Variants in MYLK3 observed in about 807,000 individuals in gnomAD.
MYLK3 encodes myosin light chain kinase 3.
In MYLK3, 55 loss-of-function variants were observed where a neutral mutation model predicts 76.3. The observed-to-expected ratio is 0.72, with a 90% CI of 0.58 to 0.90. MYLK3 has a LOEUF of 0.90. Ranked by LOEUF, MYLK3 falls within the 40% of genes least tolerant of loss-of-function variation. The pLI, the probability that MYLK3 is intolerant of heterozygous loss-of-function variation, is 0.00. For synonymous variants in MYLK3, 416 were observed against 425.4 expected (o/e 0.98, Z 0.27); for missense variants, 973 against 1,053.6 (o/e 0.92, Z 1.06).
intron 1 of MYLK3, among the ~76,000 whole-genome samples, chr16:46,741,378 C>T (rs1966927721): frequency 6.6e-6 from 1 of 152,220 alleles, no homozygotes; most frequent in African/African-American, 2.4e-5. Context: ...CAGACCAGTG[C>T]CTGGCCTGCC....
In MYLK3 at chr16:46,730,718, G is replaced by C. The variant is rs753644530; in HGVS notation, c.1463-20C>G. The C allele has an allele frequency of 6.2e-7, 1 of 1,610,504 alleles. No homozygotes were observed. Reference sequence around the variant, plus strand: ...TGTCATCTGCTCAGGAGGCAATAAGGACCTGTGAGCCTCCTCTGTGCAGCC... The same window carrying C: ...TGTCATCTGCTCAGGAGGCAATAAGCACCTGTGAGCCTCCTCTGTGCAGCC... On this transcript the variant is annotated intron_variant, in intron 4 of 12. Transcript: ENST00000394809.
At chr16:46,752,161 C>A (rs548073870), upstream of MYLK3, among the ~76,000 whole-genome samples, 545 of 152,196 alleles carry the variant, frequency 3.6e-3, 1 homozygote, top group Non-Finnish European at 5.7e-3. Flanking sequence ...GCCCCAAGAC[C>A]CTTCCCTGGC....
chr16:46,757,936 A>G (rs1365107638), intron 1 of MYLK3, among the ~76,000 whole-genome samples: 1 of 152,156 alleles, frequency 6.6e-6, no homozygotes, highest in African/African-American at 2.4e-5. Context: ...CTGAGGACAG[A>G]GGAGAGGCCG....
intron 9 of MYLK3, among the ~76,000 whole-genome samples, chr16:46,715,422 G>A (rs1181884039): frequency 6.6e-6 from 1 of 152,180 alleles, no homozygotes; most frequent in South Asian, 2.1e-4. Flanking sequence ...CCCCAAAGCT[G>A]TCAAAATATC....
Position 46,709,531 on chromosome 16 carries a change from C to G in MYLK3, c.2400+8G>C. On this transcript the variant is annotated splice_region_variant and intron_variant, in intron 12 of 12. Coordinates refer to ENST00000394809, the MANE Select transcript of MYLK3 (RefSeq NM_182493.3). ...AATTCCACCTTTACTAAGAGAAAAA[C>G]CAAATACCTTCCATTTTCTTTGAGC... The G allele has an allele frequency of 6.2e-7, 1 of 1,612,564 alleles. No homozygotes were observed. The highest frequency in any genetic ancestry group is 8.5e-7 in the Non-Finnish European group (1 of 1,179,522).
At position 46,707,645 on chromosome 16, in the gene MYLK3, C is replaced by G; in HGVS notation, c.*59G>C. 1 of 1,181,410 alleles carries G rather than the reference C, an allele frequency of 8.5e-7. No homozygotes were observed. Among genetic ancestry groups the G allele is most frequent in the South Asian group, 1.3e-5 (1 of 74,094 alleles). 73.2% of individuals were successfully genotyped at this position (1,181,410 alleles called of 1,614,324 possible). Reference sequence around the variant, plus strand: ...AATTATTTAAATGTTTGAGTCATCTCTTCACTTCACCACTGGCCTCAGTAA... The same window carrying G: ...AATTATTTAAATGTTTGAGTCATCTGTTCACTTCACCACTGGCCTCAGTAA... On this transcript the variant is annotated 3_prime_UTR_variant, in exon 13 of 13. Coordinates refer to ENST00000394809, the MANE Select transcript of MYLK3 (RefSeq NM_182493.3).
At chr16:46,753,073 C>A (rs1967147699), upstream of MYLK3, among the ~76,000 whole-genome samples, 1 of 152,126 alleles carries the variant, frequency 6.6e-6, no homozygotes, top group African/African-American at 2.4e-5. Context: ...AGATAGAAAA[C>A]TGGTGGAGGA....
intron 6 of MYLK3, 30 bp downstream of exon 6, chr16:46,729,564 A>G: frequency 4.4e-6 from 7 of 1,596,318 alleles, no homozygotes; most frequent in Non-Finnish European, 6.0e-6. Flanking sequence ...GAGGCTGGCC[A>G]CAGGGACCTG....
chr16:46,737,679 TC>T, intron 3 of MYLK3, 31 bp downstream of exon 3: 1 of 1,563,818 alleles, frequency 6.4e-7, no homozygotes. Context: ...GTCCATCCCC[TC>T]CCTCACCCAG....
chr16:46,761,554 C>T (rs913871818), intron 1 of MYLK3, among the ~76,000 whole-genome samples: 1 of 152,108 alleles, frequency 6.6e-6, no homozygotes, highest in African/African-American at 2.4e-5. Flanking sequence ...CAGTGGCTCA[C>T]GCCTGTAATC....
At chr16:46,760,556 A>G (rs991381030) in intron 1 of MYLK3, among the ~76,000 whole-genome samples, 1 of 152,166 alleles carries the variant, frequency 6.6e-6, no homozygotes, top group African/African-American at 2.4e-5. Flanking sequence ...ACAGTCGCTA[A>G]CTGCAAGGTG....
intron 2 of MYLK3, 106 bp from the exon 3 acceptor site, chr16:46,738,249 T>C (rs560089041): frequency 5.6e-6 from 6 of 1,074,528 alleles, no homozygotes; most frequent in East Asian, 2.6e-5. Context: ...AGGTTTATAA[T>C]AGCCAAAGAC....
chr16:46,732,471 A>C lies in MYLK3; in HGVS notation c.1199T>G (p.Leu400Arg), dbSNP rs754132163. Residue 400 changes from leucine to arginine, a missense_variant, in exon 4 of 13, where the codon CTC becomes CGC. Transcript: ENST00000394809. ...GCTGCTGCTCTCCTGCAGCGGGGAG[A>C]GCTCTCTGGCTCCTTCAGGGGTCTG... ...GEQTPEGARE[L>R]SPLQESSSPG... 7 of 1,610,516 alleles carry C rather than the reference A, an allele frequency of 4.3e-6. No individual in the cohort carries two copies. The Admixed American group carries it at 5.0e-5, about 12-fold the overall frequency.
At chr16:46,722,156 G>T (rs1251449819) in intron 8 of MYLK3, among the ~76,000 whole-genome samples, 2 of 152,016 alleles carry the variant, frequency 1.3e-5, no homozygotes. Context: ...AAATTTGGGG[G>T]TATGTGTGTT....
At chr16:46,735,017 T>C (rs1966861645) in intron 3 of MYLK3, among the ~76,000 whole-genome samples, 1 of 151,858 alleles carries the variant, frequency 6.6e-6, no homozygotes, top group Admixed American at 6.6e-5. Context: ...GGCACATGCT[T>C]GTAATCCCAG....
intron 1 of MYLK3, among the ~76,000 whole-genome samples, chr16:46,753,752 A>C (rs950334857): frequency 6.6e-6 from 1 of 152,196 alleles, no homozygotes; most frequent in Non-Finnish European, 1.5e-5. Context: ...CTCTACAAAA[A>C]AAAAATTTTA....
chr16:46,737,963 G>T lies in MYLK3; in HGVS notation c.749C>A (p.Ala250Asp), dbSNP rs138592429. Reference sequence around the variant, plus strand: ...GAGGTTCTCGCTGGGTGTCTCAGGAGCCTTGGCTTCCACCTTTGTGGGCAG... The same window carrying T: ...GAGGTTCTCGCTGGGTGTCTCAGGATCCTTGGCTTCCACCTTTGTGGGCAG... ...LPLPTKVEAK[A>D]PETPSENLRT... The change falls in exon 3 of 13, where the codon GCT becomes GAT. Residue 250 changes from alanine (A) to aspartate (D), a missense_variant. Coordinates refer to ENST00000394809, the MANE Select transcript of MYLK3 (RefSeq NM_182493.3). 8.1e-6 allele frequency: 13 copies of T among 1,614,028 alleles called. 1 individual carries two copies. The highest frequency in any genetic ancestry group is 1.1e-5 in the Non-Finnish European group (13 of 1,180,034).
chr16:46,718,140 TA>T (rs1333478373), intron 9 of MYLK3, among the ~76,000 whole-genome samples: 4 of 152,116 alleles, frequency 2.6e-5, no homozygotes, highest in African/African-American at 7.2e-5. Context: ...TTTCATGGCA[TA>T]GGGGGACTAG....
intron 11 of MYLK3, 147 bp from the exon 12 acceptor site, chr16:46,709,818 T>C: frequency 3.1e-6 from 3 of 962,252 alleles, no homozygotes; most frequent in Non-Finnish European, 4.5e-6. Context: ...GGGAACTCCT[T>C]GTGTCTAAAA....
Sources: allele counts gnomAD v4.1 joint callset (sites outside exome capture counted in the v4.1 genomes callset), GRCh38; gene constraint gnomAD v4.1.1; transcripts MANE v1.5; gene names NCBI Gene and HGNC (gene_info 2026-07-23, HGNC 2026-07-21).